The following ZNF623 variants were observed in gnomAD, a reference collection of about 807,000 sequenced individuals.
ZNF623 encodes zinc finger protein 623.
In ZNF623, 16 loss-of-function variants were observed where a neutral mutation model predicts 24.0. The ratio of observed to expected loss-of-function variants is 0.67; its 90% CI spans 0.45 to 1.01. ZNF623 has a LOEUF of 1.01. Ranked by LOEUF, ZNF623 falls within the 50% of genes least tolerant of loss-of-function variation. The pLI, the probability that ZNF623 is intolerant of heterozygous loss-of-function variation, is 0.00. For synonymous variants in ZNF623, 224 were observed against 219.8 expected (o/e 1.02, Z -0.17); for missense variants, 566 against 606.5 (o/e 0.93, Z 0.70).
At chr8:143,649,507 G>A (rs919528880) in intron 1 of ZNF623, among the ~76,000 whole-genome samples, 2 of 152,270 alleles carry the variant, frequency 1.3e-5, no homozygotes, top group African/African-American at 4.8e-5. Context: ...AAGAGGACAT[G>A]AAGGAAGGAA....
intron 1 of ZNF623, among the ~76,000 whole-genome samples, chr8:143,641,954 C>G (rs1373189479): frequency 2.4e-4 from 36 of 152,166 alleles, no homozygotes. Context: ...GGGAAATGAC[C>G]ATTGGCTTCA....
At chr8:143,643,682 CCTTCCACCAG>C (rs1815110106) in intron 1 of ZNF623, among the ~76,000 whole-genome samples, 1 of 152,232 alleles carries the variant, frequency 6.6e-6, no homozygotes. Context: ...CAGCTTACAT[CCTTCCACCAG>C]GGATTGGCTC....
At chr8:143,637,854 G>A (rs1280600782) in intron 1 of ZNF623, among the ~76,000 whole-genome samples, 2 of 152,218 alleles carry the variant, frequency 1.3e-5, no homozygotes, top group Non-Finnish European at 1.5e-5. Context: ...GGCCTCAGGT[G>A]ATGTTTTATC....
At chr8:143,636,297 G>C (rs1331979098) in intron 1 of ZNF623, 152 bp downstream of exon 1, 1 of 152,170 alleles carries the variant, frequency 6.6e-6, no homozygotes, top group Non-Finnish European at 1.5e-5. Context: ...GTCCAGGAGC[G>C]GGGCCTTGGC....
At chr8:143,638,106 C>G (rs1401038969) in intron 1 of ZNF623, among the ~76,000 whole-genome samples, 3 of 152,092 alleles carry the variant, frequency 2.0e-5, no homozygotes, top group African/African-American at 7.2e-5. Context: ...AAAACTTTCT[C>G]TAGAGGCGGG....
chr8:143,651,743 G>A lies in ZNF623; in HGVS notation c.*260G>A, dbSNP rs1446009841. ...GGGGCAGGGAGAAGACAGGTCTCAA[G>A]AAAAGGTTTTTAAGAAGTTTCATCC... On this transcript the variant is annotated 3_prime_UTR_variant, in exon 2 of 2. Transcript: ENST00000526926. The A allele has an allele frequency of 2.3e-6, 1 of 435,644 alleles. No homozygotes were observed. The highest frequency in any genetic ancestry group is 4.0e-5 in the Admixed American group (1 of 25,302). The allele number at this position is 435,644 out of a possible 1,614,324, so 27.0% of individuals were successfully genotyped here. A position where few individuals can be genotyped will look rare whatever the true frequency, so the allele number is the denominator to read the frequency against.
At chr8:143,645,166 G>A (rs1295959139) in intron 1 of ZNF623, among the ~76,000 whole-genome samples, 5 of 150,346 alleles carry the variant, frequency 3.3e-5, no homozygotes, top group Non-Finnish European at 2.9e-5. Flanking sequence ...ATGGTCGGCC[G>A]AGCGTGGTGG....
chr8:143,650,286 A>G lies in ZNF623; in HGVS notation c.294A>G (p.Leu98=). Residue 98 remains leucine (L), a synonymous_variant, in exon 2 of 2, where the codon CTA becomes CTG. Coordinates refer to ENST00000526926, the MANE Select transcript of ZNF623 (RefSeq NM_001261843.2). This position sits in a 1 kb window ranked among gnomAD's most constrained non-coding sequence, Gnocchi z 5.2. ...AAACCTTCACGTTTAATTCGGACCT[A>G]GTTAGGCATCGGATTTCGCATGCTG... The part of the protein sequence containing the change: ...CGKTFTFNSD[L]VRHRISHAGE... 1.2e-6 allele frequency: 2 copies of G among 1,614,230 alleles called. No individual in the cohort carries two copies. The highest frequency in any genetic ancestry group is 1.7e-6 in the Non-Finnish European group (2 of 1,180,032).
chr8:143,639,504 G>A (rs1264583414), intron 1 of ZNF623, among the ~76,000 whole-genome samples: 6 of 152,138 alleles, frequency 3.9e-5, no homozygotes, highest in South Asian at 4.1e-4. Context: ...GATTACAGGC[G>A]TGAGCCACTG....
chr8:143,643,579 C>T (rs571248696), intron 1 of ZNF623, among the ~76,000 whole-genome samples: 164 of 152,318 alleles, frequency 1.1e-3, no homozygotes, highest in Admixed American at 1.6e-3. Context: ...CGCATAATTC[C>T]GGGTCCAGTC....
At position 143,651,549 on chromosome 8, in the gene ZNF623, C is replaced by T; in HGVS notation, c.*66C>T. 1.3e-6 allele frequency: 2 copies of T among 1,513,656 alleles called. No individual in the cohort carries two copies. Among genetic ancestry groups the T allele is most frequent in the Non-Finnish European group, 1.8e-6 (2 of 1,130,878 alleles). The allele number at this position is 1,513,656 out of a possible 1,614,324, so 93.8% of individuals were successfully genotyped here. A position where few individuals can be genotyped will look rare whatever the true frequency, so the allele number is the denominator to read the frequency against. On this transcript the variant is annotated 3_prime_UTR_variant, in exon 2 of 2. Coordinates refer to ENST00000526926, the MANE Select transcript of ZNF623 (RefSeq NM_001261843.2). ...CGTGGAATTAGGATTCATGTGGTTTCTAAGATTTGGACATGTCAGAATTTT... is the reference window on the plus strand; with the variant it reads ...CGTGGAATTAGGATTCATGTGGTTTTTAAGATTTGGACATGTCAGAATTTT...
At chr8:143,642,990 G>A (rs1358825768) in intron 1 of ZNF623, among the ~76,000 whole-genome samples, 1 of 152,212 alleles carries the variant, frequency 6.6e-6, no homozygotes, top group Non-Finnish European at 1.5e-5. Context: ...CCAGGTCAGT[G>A]AGGTGAGAAG....
At position 143,639,038 on chromosome 8, in the gene ZNF623, G is replaced by A. The variant is rs187417693; in HGVS notation, c.-96+2893G>A. 1.1e-3 allele frequency among the ~76,000 whole-genome samples: 163 copies of A among 151,030 alleles called. 2 individuals are homozygous for A. The East Asian group carries it at 0.027, about 25-fold the overall frequency. ...CTCTCGAGAAGCTGGGATTACAGGC[G>A]TGTGCCACCACACCTGGCTAATTTT... On this transcript the variant is annotated intron_variant, in intron 1 of 1. Transcript: ENST00000526926.
At chr8:143,647,135 G>A (rs1180832723) in intron 1 of ZNF623, among the ~76,000 whole-genome samples, 1 of 149,688 alleles carries the variant, frequency 6.7e-6, no homozygotes. Flanking sequence ...CTGAGGGTGG[G>A]GGTGCCTTGC....
At chr8:143,640,586 G>A (rs913593799) in intron 1 of ZNF623, among the ~76,000 whole-genome samples, 10 of 152,072 alleles carry the variant, frequency 6.6e-5, no homozygotes, top group African/African-American at 2.2e-4. Flanking sequence ...CAGTGTTCAC[G>A]GCATCTTCAC....
At position 143,653,289 on chromosome 8, in the gene ZNF623, T is replaced by A. The variant is rs146311362; in HGVS notation, c.*1806T>A. ...TAATTTTTTTCTCATGAGGCCATATTTTGAGTTCTTAAATACTACCAACCC... is the reference window on the plus strand; with the variant it reads ...TAATTTTTTTCTCATGAGGCCATATATTGAGTTCTTAAATACTACCAACCC... On this transcript the variant is annotated 3_prime_UTR_variant, in exon 2 of 2. Transcript: ENST00000526926. 3,076 of 167,184 alleles carry A rather than the reference T, an allele frequency of 0.018. 32 individuals carry two copies. The highest frequency in any genetic ancestry group is 0.022 in the Non-Finnish European group (1,471 of 68,106). 10.4% of individuals were successfully genotyped at this position (167,184 alleles called of 1,614,324 possible).
chr8:143,645,315 G>A (rs191548321), intron 1 of ZNF623, among the ~76,000 whole-genome samples: 2 of 151,522 alleles, frequency 1.3e-5, no homozygotes, highest in African/African-American at 4.9e-5. Context: ...GGTGGCGGGC[G>A]CCTGTAGTCC....
chr8:143,639,803 A>AGG (rs1025740033), intron 1 of ZNF623, among the ~76,000 whole-genome samples: 25 of 152,208 alleles, frequency 1.6e-4, no homozygotes, highest in Non-Finnish European at 2.6e-4. Flanking sequence ...TCTCTCTTAA[A>AGG]GGTAGGGTTG....
intron 1 of ZNF623, among the ~76,000 whole-genome samples, chr8:143,637,170 T>TCG (rs1778359485): frequency 6.6e-6 from 1 of 152,200 alleles, no homozygotes; most frequent in South Asian, 2.1e-4. Context: ...TTCCGGGGCA[T>TCG]CGTGGGGAGC....
Sources: allele counts gnomAD v4.1 joint callset (sites outside exome capture counted in the v4.1 genomes callset), GRCh38; gene constraint gnomAD v4.1.1; non-coding constraint Gnocchi (gnomAD v3.1); transcripts MANE v1.5; gene names NCBI Gene and HGNC (gene_info 2026-07-23, HGNC 2026-07-21).